The following KIF13A variants were observed in gnomAD, a reference collection of about 807,000 sequenced individuals.
KIF13A encodes kinesin family member 13A.
KIF13A carries 79 observed loss-of-function variants against 212.2 expected under a neutral mutation model. That is an observed-to-expected ratio of 0.37 (90% confidence interval 0.31 to 0.45). The LOEUF is 0.45. Ranked by LOEUF, KIF13A falls within the 20% of genes least tolerant of loss-of-function variation. The pLI is 1.00. For synonymous variants in KIF13A, 789 were observed against 808.6 expected, an observed-to-expected ratio of 0.98 and a Z score of 0.41; for missense variants, 1,901 against 2,209.0, an observed-to-expected ratio of 0.86 and a Z score of 2.79.
At position 17,799,825 on chromosome 6, in the gene KIF13A, C is replaced by T; in HGVS notation, c.2616+127G>A. 2 of 928,684 alleles carry T rather than the reference C, an allele frequency of 2.2e-6. No homozygotes were observed. The highest frequency in any genetic ancestry group is 1.6e-5 in the South Asian group (1 of 63,420). The allele number at this position is 928,684 out of a possible 1,614,324, so 57.5% of individuals were successfully genotyped here. A position where few individuals can be genotyped will look rare whatever the true frequency, so the allele number is the denominator to read the frequency against. ...TTTCTGAAAACAAAGTACTGTCCAC[C>T]ACTGTATCTGCTGTTACAAAATCCA... is the stretch of plus-strand genomic sequence containing the variant. On this transcript the variant is annotated intron_variant, in intron 21 of 38. Transcript: ENST00000259711. The surrounding 1 kb of genome is among the most constrained non-coding windows in gnomAD (Gnocchi z 4.4).
chr6:17,965,827 A>G (rs1271648898), intron 2 of KIF13A, among the ~76,000 whole-genome samples: 2 of 152,268 alleles, frequency 1.3e-5, no homozygotes, highest in Non-Finnish European at 2.9e-5. Flanking sequence ...GTAAAATTAA[A>G]AAGACGTACA....
At chr6:17,788,672 G>T (rs145730287) in intron 26 of KIF13A, among the ~76,000 whole-genome samples, 1 of 152,106 alleles carries the variant, frequency 6.6e-6, no homozygotes, top group Non-Finnish European at 1.5e-5. Flanking sequence ...GACTTAAGAC[G>T]TTACATCAAG....
intron 2 of KIF13A, among the ~76,000 whole-genome samples, chr6:17,970,333 G>A (rs1779705055): frequency 6.6e-6 from 1 of 150,886 alleles, no homozygotes; most frequent in Non-Finnish European, 1.5e-5. Flanking sequence ...CGGGCATGGT[G>A]ACTCATGCCT....
In KIF13A at chr6:17,841,590, A is replaced by G. The variant is rs144836412; in HGVS notation, c.831-4007T>C. On this transcript the variant is annotated intron_variant, in intron 9 of 38. Transcript: ENST00000259711. Reference sequence around the variant, plus strand: ...GGGTGGAGCTGTATGGAAGTGTTATATAACTCCAATTCCCATGTATATTTT... The same window carrying G: ...GGGTGGAGCTGTATGGAAGTGTTATGTAACTCCAATTCCCATGTATATTTT... Among the ~76,000 whole-genome samples, 10 of 152,284 alleles carry G rather than the reference A, an allele frequency of 6.6e-5. No individual in the cohort carries two copies. The East Asian group carries it at 1.5e-3, about 23-fold the overall frequency.
At chr6:17,804,288 A>G in intron 20 of KIF13A, 73 bp downstream of exon 20, 1 of 1,354,566 alleles carries the variant, frequency 7.4e-7, no homozygotes, top group South Asian at 1.7e-5. Flanking sequence ...TAGCTTAAAT[A>G]GAATGAAAAA....
chr6:17,842,061 T>C (rs1225247309), intron 9 of KIF13A, among the ~76,000 whole-genome samples: 1 of 151,598 alleles, frequency 6.6e-6, no homozygotes, highest in African/African-American at 2.4e-5. Context: ...ATTATTTTTT[T>C]TCTTTGAGAT....
intron 2 of KIF13A, among the ~76,000 whole-genome samples, chr6:17,970,807 G>A (rs1420159827): frequency 6.6e-6 from 1 of 152,130 alleles, no homozygotes; most frequent in Non-Finnish European, 1.5e-5. Context: ...CCATTCACCT[G>A]AGCAGTTTGT....
At position 17,783,655 on chromosome 6, in the gene KIF13A, C is replaced by T. The variant is rs1196686610; in HGVS notation, c.3535G>A (p.Asp1179Asn). ...METHIPVLFLDLNADDLSANE... is the reference protein window; with the variant it reads ...METHIPVLFLNLNADDLSANE... ...TTAAGTGTCTACTTACCATTCAAAT[C>T]GAGGAAGAGAACTGGTATGTGGGTT... The change falls in exon 29 of 39, where the codon GAT (aspartate) becomes AAT (asparagine). Residue 1179 changes from aspartate to asparagine, a missense_variant. By Grantham distance (23) the Asp-to-Asn change is conservative. This residue lies in a region of KIF13A where 168 missense variants were observed against 250.9 expected (regional missense o/e 0.67). Coordinates refer to ENST00000259711, the MANE Select transcript of KIF13A (RefSeq NM_022113.6). This position sits in a 1 kb window ranked among gnomAD's most constrained non-coding sequence, Gnocchi z 4.3. 20 of 1,577,194 alleles carry T rather than the reference C, an allele frequency of 1.3e-5. No homozygotes were observed. The highest frequency in any genetic ancestry group is 2.3e-5 in the South Asian group (2 of 86,432).
chr6:17,930,034 T>C (rs1445253603), intron 2 of KIF13A, among the ~76,000 whole-genome samples: 1 of 152,166 alleles, frequency 6.6e-6, no homozygotes, highest in African/African-American at 2.4e-5. Context: ...GGACTAAAAA[T>C]GGGGCTACAG....
At chr6:17,836,422 ATTTG>A (rs1489834676) in intron 11 of KIF13A, among the ~76,000 whole-genome samples, 1 of 152,180 alleles carries the variant, frequency 6.6e-6, no homozygotes, top group Non-Finnish European at 1.5e-5. Flanking sequence ...ATTATCTCTT[ATTTG>A]TTTGTTTCCA....
In KIF13A at chr6:17,819,306, G is replaced by A. The variant is rs564157566; in HGVS notation, c.1787-2073C>T. On this transcript the variant is annotated intron_variant, in intron 16 of 38. Coordinates refer to ENST00000259711, the MANE Select transcript of KIF13A (RefSeq NM_022113.6). ...GGGCCAGGCGTGGTGGCTCACGCCTGTAATCCCAGCATTTCGGGAAGCTGA... is the reference window on the plus strand; with the variant it reads ...GGGCCAGGCGTGGTGGCTCACGCCTATAATCCCAGCATTTCGGGAAGCTGA... Among the ~76,000 whole-genome samples, 5 of 152,344 alleles carry A rather than the reference G, an allele frequency of 3.3e-5. 1 individual carries two copies. The South Asian group carries it at 8.3e-4, about 25-fold the overall frequency.
Position 17,987,063 on chromosome 6 carries a change from T to C in KIF13A, c.137A>G (p.Gln46Arg), listed in dbSNP as rs759323519. 4 of 1,612,534 alleles carry C rather than the reference T, an allele frequency of 2.5e-6. No homozygotes were observed. In the Admixed American group the frequency reaches 5.0e-5, roughly 20 times the overall value. The part of the protein sequence containing the change: ...VLHPPPSNTK[Q>R]GERKPPKVFA... ...TCGGAACCCGCTTTACCTTTCTCCC[T>C]GTTTGGTGTTAGAAGGAGGAGGGTG... is the stretch of plus-strand genomic sequence containing the variant. The change falls in exon 2 of 39, where the codon CAG (glutamine) becomes CGG (arginine). Residue 46 changes from glutamine to arginine, a missense_variant. By Grantham distance (43) the Gln-to-Arg change is conservative. Transcript: ENST00000259711. This position sits in a 1 kb window ranked among gnomAD's most constrained non-coding sequence, Gnocchi z 7.7.
chr6:17,927,523 A>T (rs1048648862), intron 2 of KIF13A, among the ~76,000 whole-genome samples: 6 of 152,180 alleles, frequency 3.9e-5, no homozygotes, highest in African/African-American at 1.4e-4. Flanking sequence ...GGGGACAGAA[A>T]ATAAGGAGTT....
rs1762343542 is a variant in KIF13A at position 17,799,916 on chromosome 6, G to C, written c.2616+36C>G. The C allele has an allele frequency of 1.3e-6, 2 of 1,585,684 alleles. No homozygotes were observed. The highest frequency in any genetic ancestry group is 2.7e-5 in the African/African-American group (2 of 73,564). ...TGTAAAATGGTTTTGCATGAAAAAG[G>C]TCATTTATATGAGCCTCCCATCACT... On this transcript the variant is annotated intron_variant, in intron 21 of 38. Coordinates refer to ENST00000259711, the MANE Select transcript of KIF13A (RefSeq NM_022113.6). The surrounding 1 kb of genome is among the most constrained non-coding windows in gnomAD (Gnocchi z 4.4).
At chr6:17,821,432 C>G (rs991251426) in intron 16 of KIF13A, among the ~76,000 whole-genome samples, 1 of 152,140 alleles carries the variant, frequency 6.6e-6, no homozygotes, top group African/African-American at 2.4e-5. Context: ...TCAACAGCAA[C>G]AAAGCCATCG....
At chr6:17,858,991 A>G (rs1026832187) in intron 4 of KIF13A, among the ~76,000 whole-genome samples, 78 of 152,138 alleles carry the variant, frequency 5.1e-4, no homozygotes, top group African/African-American at 1.8e-3. Flanking sequence ...CTGAGAGCCT[A>G]AAGTTAATAC....
At chr6:17,917,235 C>CTTTTTT (rs71002284) in intron 2 of KIF13A, among the ~76,000 whole-genome samples, 6 of 79,100 alleles carry the variant, frequency 7.6e-5, no homozygotes, top group African/African-American at 2.2e-4. Flanking sequence ...TTACACGATT[C>CTTTTTT]TTTTTTTTTT....
At chr6:17,973,012 T>C (rs549357243) in intron 2 of KIF13A, among the ~76,000 whole-genome samples, 2 of 152,194 alleles carry the variant, frequency 1.3e-5, no homozygotes, top group South Asian at 4.1e-4. Flanking sequence ...GAAGAGGGCA[T>C]AAACCAGAGA....
chr6:17,985,951 C>T (rs1226554172), intron 2 of KIF13A, among the ~76,000 whole-genome samples: 3 of 152,156 alleles, frequency 2.0e-5, no homozygotes, highest in African/African-American at 7.2e-5. Flanking sequence ...AGCAAAGAAT[C>T]CCCAATCTTA....
Sources: gnomAD v4.1 joint callset for allele counts (sites outside exome capture counted in the v4.1 genomes callset) on GRCh38, gnomAD v4.1.1 for gene constraint, gnomAD v4.1.1 regional missense constraint, Gnocchi (gnomAD v3.1) non-coding constraint, MANE v1.5 for transcripts, NCBI Gene and HGNC (gene_info 2026-07-23, HGNC 2026-07-21) for gene names.